Variants in CTNNA2 observed in about 807,000 individuals in gnomAD.
The protein encoded by CTNNA2 is catenin alpha 2.
In CTNNA2, 42 loss-of-function variants were observed where a neutral mutation model predicts 101.0. The observed-to-expected ratio is 0.42, with a 90% CI of 0.32 to 0.54. The LOEUF (loss-of-function observed/expected upper bound fraction) is 0.54. CTNNA2 is among the 20% of genes least tolerant of loss of function. CTNNA2 has a pLI of 0.14. For missense variants in CTNNA2, 871 were observed against 1,223.1 expected, an observed-to-expected ratio of 0.71 and a Z score of 4.29; for synonymous variants, 450 against 456.4, an observed-to-expected ratio of 0.99 and a Z score of 0.18.
chr2:79,187,068 T>A lies in CTNNA2; in HGVS notation c.-524+1637T>A, dbSNP rs201000814. ...TTCTCTGAAATAATTTATAGCTGAT[T>A]ATTGAAAATAATGGTGGAATGGGGG... On this transcript the variant is annotated intron_variant, in intron 1 of 21. Coordinates refer to the CTNNA2 transcript ENST00000466387. 7.9e-5 allele frequency among the ~76,000 whole-genome samples: 12 copies of A among 152,228 alleles called. No homozygotes were observed. In the East Asian group the frequency reaches 1.5e-3, roughly 20 times the overall value.
intron 2 of CTNNA2, among the ~76,000 whole-genome samples, chr2:79,690,002 C>T (rs540845416): frequency 4.4e-4 from 67 of 151,758 alleles, no homozygotes; most frequent in African/African-American, 1.6e-3. Context: ...ACCTAAAATA[C>T]CCATAGAAGA....
chr2:80,458,167 C>T (rs569381068), intron 9 of CTNNA2, among the ~76,000 whole-genome samples: 3 of 152,038 alleles, frequency 2.0e-5, no homozygotes, highest in East Asian at 1.9e-4. Flanking sequence ...AATAAACCTT[C>T]GATTTTTTTT....
chr2:79,511,935 T>C (rs1466544650), upstream of CTNNA2, among the ~76,000 whole-genome samples: 1 of 152,198 alleles, frequency 6.6e-6, no homozygotes, highest in Admixed American at 6.5e-5. Flanking sequence ...TGTTGTGAAC[T>C]TAGCGTCGGT....
chr2:80,140,130 A>G (rs1419377417), intron 7 of CTNNA2, among the ~76,000 whole-genome samples: 4 of 152,200 alleles, frequency 2.6e-5, no homozygotes, highest in Non-Finnish European at 5.9e-5. Flanking sequence ...GTTCAGACCA[A>G]TAAAGCTACG....
intron 7 of CTNNA2, among the ~76,000 whole-genome samples, chr2:79,987,428 C>T (rs598453): frequency 0.51 from 77,797 of 151,992 alleles, 20,610 homozygotes; most frequent in Non-Finnish European, 0.59. Context: ...TGCCTCCTAA[C>T]GAGCTAGGTG....
At chr2:79,545,086 C>T (rs548813614) in intron 1 of CTNNA2, among the ~76,000 whole-genome samples, 62 of 152,246 alleles carry the variant, frequency 4.1e-4, no homozygotes, top group Non-Finnish European at 8.4e-4. Context: ...ATGATAGCAC[C>T]GTTGCAGAGA....
chr2:79,835,882 C>A (rs765728355), intron 3 of CTNNA2, among the ~76,000 whole-genome samples: 4 of 151,830 alleles, frequency 2.6e-5, no homozygotes, highest in African/African-American at 4.8e-5. Context: ...CCACCTGCCT[C>A]GGCATCCCAA....
chr2:80,436,263 A>T (rs1303488211), intron 9 of CTNNA2, among the ~76,000 whole-genome samples: 7 of 152,160 alleles, frequency 4.6e-5, no homozygotes, highest in Non-Finnish European at 1.0e-4. Flanking sequence ...AGAAAGCAAA[A>T]GGTCTCATTG....
rs59521287 is a variant in CTNNA2, at chr2:80,117,455, A to AGTGTGTGTGTGTGTGTGT, written c.1056+207673_1056+207690dup. ...ATTCAGCATAGATGGTTCCTGTGTG[A>AGTGTGTGTGTGTGTGTGT]GTGTGTGTGTGTGTGTGTGTGTGTG... On this transcript the variant is annotated intron_variant, in intron 7 of 18. Coordinates refer to ENST00000402739, the MANE Select transcript of CTNNA2 (RefSeq NM_001282597.3). 1.5e-3 allele frequency among the ~76,000 whole-genome samples: 223 copies of AGTGTGTGTGTGTGTGTGT among 145,986 alleles called. 3 individuals are homozygous for AGTGTGTGTGTGTGTGTGT. Among genetic ancestry groups the AGTGTGTGTGTGTGTGTGT allele is most frequent in the African/African-American group, 4.9e-3 (192 of 39,256 alleles).
intron 18 of CTNNA2, among the ~76,000 whole-genome samples, chr2:80,642,234 AAG>A (rs1673572502): frequency 6.6e-6 from 1 of 152,092 alleles, no homozygotes; most frequent in African/African-American, 2.4e-5. Flanking sequence ...CCTCTTATTA[AAG>A]AGTGTTTAGA....
At chr2:80,376,990 C>G (rs1676017514) in intron 7 of CTNNA2, among the ~76,000 whole-genome samples, 1 of 152,242 alleles carries the variant, frequency 6.6e-6, no homozygotes, top group African/African-American at 2.4e-5. Context: ...TGCTCCCCAT[C>G]TTTCCCCAGT....
chr2:79,334,495 G>A (rs1676948526), intron 3 of CTNNA2, among the ~76,000 whole-genome samples: 1 of 152,122 alleles, frequency 6.6e-6, no homozygotes, highest in Non-Finnish European at 1.5e-5. Context: ...GGAGCATCCT[G>A]AGGGCAGGGC....
At chr2:80,215,481 G>C (rs1269213514) in intron 7 of CTNNA2, among the ~76,000 whole-genome samples, 1 of 152,200 alleles carries the variant, frequency 6.6e-6, no homozygotes, top group African/African-American at 2.4e-5. Context: ...CCTTCTAACA[G>C]TCAGGACCCT....
chr2:80,141,428 G>A (rs1270915677), intron 7 of CTNNA2, among the ~76,000 whole-genome samples: 2 of 151,980 alleles, frequency 1.3e-5, no homozygotes, highest in African/African-American at 4.8e-5. Context: ...CACAAACTGG[G>A]GAAAACTTGG....
chr2:79,556,331 T>A (rs888054998), intron 1 of CTNNA2, among the ~76,000 whole-genome samples: 1 of 152,062 alleles, frequency 6.6e-6, no homozygotes, highest in Non-Finnish European at 1.5e-5. Context: ...CATGTAAATT[T>A]ATCTGGTTCA....
At chr2:79,872,141 G>A (rs990730056) in intron 5 of CTNNA2, among the ~76,000 whole-genome samples, 5 of 151,938 alleles carry the variant, frequency 3.3e-5, no homozygotes, top group Non-Finnish European at 7.4e-5. Flanking sequence ...ATTGTGTTCT[G>A]CTTTTTAATT....
chr2:80,618,022 T>C (rs924707623), intron 17 of CTNNA2, among the ~76,000 whole-genome samples: 1 of 151,890 alleles, frequency 6.6e-6, no homozygotes, highest in South Asian at 2.1e-4. Flanking sequence ...TTTCAGGATG[T>C]GCCTGCTCTT....
intron 7 of CTNNA2, among the ~76,000 whole-genome samples, chr2:80,223,424 G>T (rs1458140064): frequency 6.6e-6 from 1 of 152,176 alleles, no homozygotes; most frequent in Admixed American, 6.5e-5. Flanking sequence ...ATAGGCATGA[G>T]CCACCATGCC....
chr2:80,365,203 T>A (rs1674805013), intron 7 of CTNNA2, among the ~76,000 whole-genome samples: 1 of 152,104 alleles, frequency 6.6e-6, no homozygotes, highest in Admixed American at 6.5e-5. Flanking sequence ...AGAAAACCTG[T>A]GCAATTCCAA....
Sources: allele counts gnomAD v4.1 joint callset (sites outside exome capture counted in the v4.1 genomes callset), GRCh38; gene constraint gnomAD v4.1.1; transcripts MANE v1.5; gene names NCBI Gene and HGNC (gene_info 2026-07-23, HGNC 2026-07-21).